The following KCNIP4 variants were observed in gnomAD, a reference collection of about 807,000 sequenced individuals.
KCNIP4 encodes Kv channel-interacting protein 4.
A neutral mutation model predicts 34.0 loss-of-function variants in KCNIP4; 12 were observed. The ratio of observed to expected loss-of-function variants is 0.35; its 90% CI spans 0.23 to 0.57. KCNIP4 has a LOEUF of 0.57. Among genes scored for constraint, KCNIP4 ranks in the 20% least tolerant of loss-of-function variants. KCNIP4 has a pLI of 0.83. For missense variants in KCNIP4, 238 were observed against 311.7 expected, an observed-to-expected ratio of 0.76 and a Z score of 1.78; for synonymous variants, 124 against 102.2, an observed-to-expected ratio of 1.21 and a Z score of -1.29.
chr4:21,476,218 A>C (rs1730954840), intron 1 of KCNIP4, among the ~76,000 whole-genome samples: 1 of 149,418 alleles, frequency 6.7e-6, no homozygotes, highest in South Asian at 2.2e-4. Flanking sequence ...ACTTATACCT[A>C]TACTTACCTG....
chr4:20,847,095 A>G (rs1482355382), intron 3 of KCNIP4, among the ~76,000 whole-genome samples: 2 of 152,202 alleles, frequency 1.3e-5, no homozygotes, highest in African/African-American at 4.8e-5. Flanking sequence ...CGACTGTCCC[A>G]CTTTGATGGA....
intron 3 of KCNIP4, among the ~76,000 whole-genome samples, chr4:20,786,436 CT>C (rs1391277162): frequency 6.6e-6 from 1 of 152,050 alleles, no homozygotes; most frequent in Admixed American, 6.6e-5. Context: ...CATGTACCCC[CT>C]GAATCTAAAA....
chr4:21,349,186 G>A (rs1717758278), intron 1 of KCNIP4, among the ~76,000 whole-genome samples: 1 of 152,120 alleles, frequency 6.6e-6, no homozygotes, highest in Non-Finnish European at 1.5e-5. Context: ...ACTAGTGCTT[G>A]ATTCATGGGG....
chr4:21,595,176 G>A (rs1207573804), intron 1 of KCNIP4, among the ~76,000 whole-genome samples: 1 of 151,956 alleles, frequency 6.6e-6, no homozygotes. Flanking sequence ...AGTGTGTGAT[G>A]TTCCCCTCCC....
chr4:21,596,643 G>A (rs2109108550), intron 1 of KCNIP4, among the ~76,000 whole-genome samples: 1 of 152,226 alleles, frequency 6.6e-6, no homozygotes, highest in Admixed American at 6.5e-5. Flanking sequence ...AGCCAGGGAA[G>A]AAGAAGAAAG....
At chr4:21,377,728 T>C (rs1478844035) in intron 1 of KCNIP4, among the ~76,000 whole-genome samples, 1 of 152,126 alleles carries the variant, frequency 6.6e-6, no homozygotes, top group Non-Finnish European at 1.5e-5. Flanking sequence ...CCCATGAAAA[T>C]GAAGATTCAG....
chr4:21,093,165 G>C (rs1189262234), intron 1 of KCNIP4, among the ~76,000 whole-genome samples: 1 of 152,102 alleles, frequency 6.6e-6, no homozygotes, highest in African/African-American at 2.4e-5. Flanking sequence ...ACATTGTTTA[G>C]AAGAACAACT....
chr4:20,861,628 T>C (rs1006992047), intron 2 of KCNIP4, among the ~76,000 whole-genome samples: 1 of 152,218 alleles, frequency 6.6e-6, no homozygotes, highest in African/African-American at 2.4e-5. Context: ...GTATATCATA[T>C]TGAAAATGAA....
At chr4:21,289,450 C>G (rs1474702463) in intron 1 of KCNIP4, among the ~76,000 whole-genome samples, 2 of 152,048 alleles carry the variant, frequency 1.3e-5, no homozygotes, top group African/African-American at 4.8e-5. Flanking sequence ...AGCCCCAAAG[C>G]AAGGATTTTT....
intron 3 of KCNIP4, among the ~76,000 whole-genome samples, chr4:20,804,414 T>A (rs1398544677): frequency 6.7e-6 from 1 of 148,764 alleles, no homozygotes; most frequent in Non-Finnish European, 1.5e-5. Context: ...ATTGTGAACA[T>A]TTTAAGGTCA....
At chr4:21,937,682 G>T in intron 1 of KCNIP4, among the ~76,000 whole-genome samples, 1 of 151,866 alleles carries the variant, frequency 6.6e-6, no homozygotes, top group East Asian at 1.9e-4. Context: ...CTCCATCTCT[G>T]TATTTCCCAT....
chr4:21,453,642 C>T (rs745548595), intron 1 of KCNIP4, among the ~76,000 whole-genome samples: 8 of 152,072 alleles, frequency 5.3e-5, no homozygotes, highest in African/African-American at 9.7e-5. Context: ...ATCCACATGA[C>T]ACATGTGAGG....
intron 1 of KCNIP4, among the ~76,000 whole-genome samples, chr4:21,601,814 C>T (rs188901967): frequency 1.7e-3 from 257 of 152,232 alleles, no homozygotes; most frequent in Non-Finnish European, 3.1e-3. Flanking sequence ...GTAGCTTTTC[C>T]TCCATGCTTA....
intron 1 of KCNIP4, among the ~76,000 whole-genome samples, chr4:21,179,216 A>G (rs1754663792): frequency 6.6e-6 from 1 of 152,206 alleles, no homozygotes; most frequent in Non-Finnish European, 1.5e-5. Flanking sequence ...GCTTTTGCCC[A>G]ACTCATTTGA....
At chr4:21,340,252 G>C (rs1716619907) in intron 1 of KCNIP4, among the ~76,000 whole-genome samples, 1 of 74,458 alleles carries the variant, frequency 1.3e-5, no homozygotes. Flanking sequence ...AGCTTTCCAA[G>C]ATGTAGTATC....
intron 1 of KCNIP4, among the ~76,000 whole-genome samples, chr4:21,531,730 G>T (rs1323983973): frequency 4.6e-5 from 7 of 151,936 alleles, no homozygotes; most frequent in Non-Finnish European, 1.0e-4. Flanking sequence ...GAAAGGGCAA[G>T]AATCTTGAAT....
intron 1 of KCNIP4, among the ~76,000 whole-genome samples, chr4:21,523,066 T>C (rs1735677448): frequency 6.6e-6 from 1 of 152,010 alleles, no homozygotes; most frequent in Admixed American, 6.6e-5. Context: ...ATTCACCAAC[T>C]GCAGAGAGCT....
intron 3 of KCNIP4, among the ~76,000 whole-genome samples, chr4:20,763,334 A>C (rs180796435): frequency 6.6e-6 from 1 of 152,178 alleles, no homozygotes; most frequent in African/African-American, 2.4e-5. Context: ...TCTTATTCAC[A>C]TAACAATCTT....
chr4:21,816,267 T>C (rs1237537358), intron 1 of KCNIP4, among the ~76,000 whole-genome samples: 2 of 152,186 alleles, frequency 1.3e-5, no homozygotes, highest in Non-Finnish European at 2.9e-5. Flanking sequence ...CTCTCCAAGA[T>C]AAAATTAACC....
Sources: gnomAD v4.1 joint callset for allele counts (sites outside exome capture counted in the v4.1 genomes callset) on GRCh38, gnomAD v4.1.1 for gene constraint, MANE v1.5 for transcripts, NCBI Gene and HGNC (gene_info 2026-07-23, HGNC 2026-07-21) for gene names.